The following SUCLG2 variants were observed in gnomAD, a reference collection of about 807,000 sequenced individuals.
SUCLG2 encodes the protein succinate--CoA ligase [GDP-forming] subunit beta, mitochondrial.
A neutral mutation model predicts 47.9 loss-of-function variants in SUCLG2; 42 were observed. That is an observed-to-expected ratio of 0.88 (90% CI 0.69 to 1.14). The LOEUF is 1.14. SUCLG2 is among the 50% of genes most tolerant of loss of function. The pLI is 0.00. For synonymous variants in SUCLG2, 195 were observed against 197.3 expected (o/e 0.99, Z 0.10); for missense variants, 571 against 525.9 (o/e 1.09, Z -0.84).
intron 2 of SUCLG2, among the ~76,000 whole-genome samples, chr3:67,550,081 G>T (rs190231630): frequency 6.6e-6 from 1 of 152,162 alleles, no homozygotes; most frequent in Admixed American, 6.5e-5. Flanking sequence ...TCTGAATTCA[G>T]CTGCTAATCC....
At chr3:67,468,792 T>C (rs966769628) in intron 9 of SUCLG2, among the ~76,000 whole-genome samples, 1 of 152,216 alleles carries the variant, frequency 6.6e-6, no homozygotes, top group African/African-American at 2.4e-5. Flanking sequence ...GATAAACTGC[T>C]GTTTTTAAGC....
chr3:67,464,852 G>A (rs1704430916), intron 9 of SUCLG2, among the ~76,000 whole-genome samples: 1 of 152,188 alleles, frequency 6.6e-6, no homozygotes, highest in African/African-American at 2.4e-5. Flanking sequence ...CTGGTTTGAA[G>A]GTGATGGTAA....
At chr3:67,550,687 C>T (rs1362152071) in intron 2 of SUCLG2, among the ~76,000 whole-genome samples, 3 of 152,152 alleles carry the variant, frequency 2.0e-5, no homozygotes, top group African/African-American at 7.2e-5. Flanking sequence ...TCTTAAATTT[C>T]TCCTAAAGAA....
At chr3:67,617,601 G>T (rs1048858099) in intron 1 of SUCLG2, among the ~76,000 whole-genome samples, 3 of 152,102 alleles carry the variant, frequency 2.0e-5, no homozygotes, top group Admixed American at 2.0e-4. Flanking sequence ...TTTGCACACT[G>T]TAAGAAAATG....
intron 2 of SUCLG2, among the ~76,000 whole-genome samples, chr3:67,608,222 A>C (rs1258585021): frequency 6.6e-6 from 1 of 152,132 alleles, no homozygotes; most frequent in African/African-American, 2.4e-5. Flanking sequence ...TAAGGGACTT[A>C]AAGAAGGATG....
In SUCLG2 at chr3:67,623,583, AAG is replaced by A. The variant is rs146600775; in HGVS notation, c.85-13989_85-13988del. 3.3e-3 allele frequency among the ~76,000 whole-genome samples: 496 copies of A among 152,310 alleles called. 2 individuals carry two copies. The highest frequency in any genetic ancestry group is 6.0e-3 in the Non-Finnish European group (406 of 68,016). On this transcript the variant is annotated intron_variant, in intron 1 of 10. Transcript: ENST00000307227. Reference sequence around the variant, plus strand: ...TGGGATCATTCTTTAAATTTTCAAAAAGGGGAAAAAATCTTGTTCTGGGGCTA... The same window carrying A: ...TGGGATCATTCTTTAAATTTTCAAAAGGGAAAAAATCTTGTTCTGGGGCTA...
At chr3:67,592,740 CA>C (rs1187452813) in intron 2 of SUCLG2, among the ~76,000 whole-genome samples, 2 of 51,848 alleles carry the variant, frequency 3.9e-5, no homozygotes, top group African/African-American at 6.2e-5. Context: ...AAAAAAACAA[CA>C]AAAAAAAACT....
At chr3:67,646,981 C>A (rs918973717) in intron 1 of SUCLG2, among the ~76,000 whole-genome samples, 8 of 152,140 alleles carry the variant, frequency 5.3e-5, no homozygotes, top group African/African-American at 1.9e-4. Context: ...ACCAGGCCTA[C>A]CAGGATCAGC....
At chr3:67,549,011 T>C (rs1013279496) in intron 2 of SUCLG2, among the ~76,000 whole-genome samples, 1 of 152,184 alleles carries the variant, frequency 6.6e-6, no homozygotes, top group Admixed American at 6.5e-5. Context: ...TTTTAAGCCA[T>C]GAACATAGTA....
At chr3:67,572,864 CAA>C (rs1234138516) in intron 2 of SUCLG2, among the ~76,000 whole-genome samples, 1 of 151,534 alleles carries the variant, frequency 6.6e-6, no homozygotes, top group Non-Finnish European at 1.5e-5. Context: ...TGGAAAAAAA[CAA>C]AAAGACATAA....
intron 2 of SUCLG2, among the ~76,000 whole-genome samples, chr3:67,552,633 T>C (rs988939159): frequency 6.6e-6 from 1 of 152,234 alleles, no homozygotes; most frequent in African/African-American, 2.4e-5. Context: ...TTCAACTCTT[T>C]CTACTTAGCT....
intron 9 of SUCLG2, among the ~76,000 whole-genome samples, chr3:67,464,819 G>A (rs1243843450): frequency 2.0e-5 from 3 of 152,162 alleles, no homozygotes; most frequent in Non-Finnish European, 4.4e-5. Context: ...AAGTAGAAAT[G>A]AGATTGGTGG....
chr3:67,393,404 G>A (rs62256372), intron 10 of SUCLG2, among the ~76,000 whole-genome samples: 44,590 of 151,426 alleles, frequency 0.29, 7,397 homozygotes, highest in Middle Eastern at 0.48. Flanking sequence ...TACGCCCACG[G>A]AGTCTCACTG....
intron 4 of SUCLG2, among the ~76,000 whole-genome samples, chr3:67,521,406 A>G (rs1706098464): frequency 6.6e-6 from 1 of 152,144 alleles, no homozygotes; most frequent in African/African-American, 2.4e-5. Context: ...TCAATTCCAC[A>G]AGTGAGTGGG....
At chr3:67,590,119 C>T (rs532673508) in intron 2 of SUCLG2, among the ~76,000 whole-genome samples, 100 of 152,202 alleles carry the variant, frequency 6.6e-4, no homozygotes, top group African/African-American at 2.3e-3. Context: ...TGATCAAGTA[C>T]CTCAGTTCAC....
In SUCLG2 at chr3:67,518,379, T is replaced by C. The variant is rs1279684923; in HGVS notation, c.571-43A>G. The stretch of plus-strand genomic sequence containing the variant: ...AATAAACAAAATTCAGACAGTCAAC[T>C]GAGAAGATTTACAACCTCAAAAGAA... On this transcript the variant is annotated intron_variant, in intron 5 of 10. Transcript: ENST00000307227. 72 of 1,556,224 alleles carry C rather than the reference T, an allele frequency of 4.6e-5. No individual in the cohort carries two copies. The Admixed American group carries it at 8.6e-4, about 19-fold the overall frequency.
intron 9 of SUCLG2, among the ~76,000 whole-genome samples, chr3:67,453,333 T>G (rs1312725687): frequency 1.3e-5 from 2 of 151,964 alleles, no homozygotes; most frequent in African/African-American, 4.8e-5. Context: ...AGTTCTGGAG[T>G]CTGAAAGATC....
chr3:67,467,737 C>A (rs530466501), intron 9 of SUCLG2, among the ~76,000 whole-genome samples: 17 of 152,054 alleles, frequency 1.1e-4, no homozygotes, highest in African/African-American at 3.9e-4. Flanking sequence ...TTTATCCTGT[C>A]ATTTAATACT....
intron 9 of SUCLG2, among the ~76,000 whole-genome samples, chr3:67,434,521 T>TAAC (rs1434496513): frequency 7.9e-5 from 12 of 152,148 alleles, no homozygotes; most frequent in African/African-American, 2.6e-4. Context: ...TCTCTAACAA[T>TAAC]AACAACAACA....
Sources: allele counts gnomAD v4.1 joint callset (sites outside exome capture counted in the v4.1 genomes callset), GRCh38; gene constraint gnomAD v4.1.1; transcripts MANE v1.5; gene names NCBI Gene and HGNC (gene_info 2026-07-23, HGNC 2026-07-21).